CHRNA3: variants seen among roughly 807,000 people sequenced by gnomAD.
The protein encoded by CHRNA3 is neuronal acetylcholine receptor subunit alpha-3.
A neutral mutation model predicts 41.9 loss-of-function variants in CHRNA3; 34 were observed. The ratio of observed to expected loss-of-function variants is 0.81; its 90% CI spans 0.62 to 1.08. The LOEUF (loss-of-function observed/expected upper bound fraction) is 1.08. Ranked by LOEUF, CHRNA3 falls within the 50% of genes least tolerant of loss-of-function variation. The pLI, the probability that CHRNA3 is intolerant of heterozygous loss-of-function variation, is 0.00. For missense variants in CHRNA3, 542 were observed against 638.3 expected, an observed-to-expected ratio of 0.85 and a Z score of 1.63; for synonymous variants, 281 against 265.2, an observed-to-expected ratio of 1.06 and a Z score of -0.58.
intron 4 of CHRNA3, among the ~76,000 whole-genome samples, chr15:78,604,558 C>A (rs532360274): frequency 2.0e-5 from 3 of 152,274 alleles, no homozygotes; most frequent in South Asian, 4.2e-4. Context: ...GTGTGTCCAC[C>A]CAGATCAGAA....
chr15:78,619,351 G>A lies in CHRNA3; in HGVS notation c.83-436C>T, dbSNP rs137954273. On this transcript the variant is annotated intron_variant, in intron 1 of 5. Coordinates refer to ENST00000326828, the MANE Select transcript of CHRNA3 (RefSeq NM_000743.5). Reference sequence around the variant, plus strand: ...TGCGGTAAGAGGTCAAGAACTATTCGCAATCTTTTCCTGGGTTGTTTCTGC... The same window carrying A: ...TGCGGTAAGAGGTCAAGAACTATTCACAATCTTTTCCTGGGTTGTTTCTGC... 1.0e-3 allele frequency: 176 copies of A among 167,832 alleles called. 1 individual carries two copies. The highest frequency in any genetic ancestry group is 3.1e-3 in the Middle Eastern group (1 of 324). The allele number at this position is 167,832 out of a possible 1,614,324, so 10.4% of individuals were successfully genotyped here. A position where few individuals can be genotyped will look rare whatever the true frequency, so the allele number is the denominator to read the frequency against.
intron 4 of CHRNA3, among the ~76,000 whole-genome samples, chr15:78,604,725 A>C (rs1221767808): frequency 1.3e-5 from 2 of 152,194 alleles, no homozygotes; most frequent in East Asian, 3.9e-4. Flanking sequence ...CCAAAAAATA[A>C]ATGAAAGCTG....
At chr15:78,616,697 C>T (rs2053467685) in intron 4 of CHRNA3, among the ~76,000 whole-genome samples, 1 of 151,996 alleles carries the variant, frequency 6.6e-6, no homozygotes, top group Non-Finnish European at 1.5e-5. Context: ...CCCGGGCCCT[C>T]CTCTGCTCCA....
intron 4 of CHRNA3, among the ~76,000 whole-genome samples, chr15:78,612,089 A>G (rs1791060975): frequency 6.6e-6 from 1 of 152,112 alleles, no homozygotes; most frequent in Non-Finnish European, 1.5e-5. Context: ...ATGGAAGAAC[A>G]TTCCATGCTC....
At position 78,598,509 on chromosome 15, in the gene CHRNA3, C is replaced by T. The variant is rs552368300; in HGVS notation, c.1390-1777G>A. 3.9e-5 allele frequency among the ~76,000 whole-genome samples: 6 copies of T among 152,092 alleles called. No individual in the cohort carries two copies. The South Asian group carries it at 1.2e-3, about 32-fold the overall frequency. Reference sequence around the variant, plus strand: ...TCCCGGGCTCAAGTAATCTTCCCCACTCAGCTTCCTGAGTAGCTGGAACTA... The same window carrying T: ...TCCCGGGCTCAAGTAATCTTCCCCATTCAGCTTCCTGAGTAGCTGGAACTA... On this transcript the variant is annotated intron_variant, in intron 5 of 5. Coordinates refer to ENST00000326828, the MANE Select transcript of CHRNA3 (RefSeq NM_000743.5).
chr15:78,600,126 G>A (rs546161810), intron 5 of CHRNA3: 4 of 152,194 alleles, frequency 2.6e-5, no homozygotes, highest in African/African-American at 9.6e-5. Flanking sequence ...CTGTTACCCA[G>A]GCTGGAGTGC....
chr15:78,611,782 C>A (rs530559519), intron 4 of CHRNA3, among the ~76,000 whole-genome samples: 1 of 151,870 alleles, frequency 6.6e-6, no homozygotes, highest in African/African-American at 2.4e-5. Context: ...GTCAAATTGT[C>A]CCTGTTTGCA....
At chr15:78,606,540 G>A (rs542209800) in intron 4 of CHRNA3, among the ~76,000 whole-genome samples, 2 of 151,982 alleles carry the variant, frequency 1.3e-5, no homozygotes, top group East Asian at 1.9e-4. Flanking sequence ...ATGAAAGAAT[G>A]TATAAAGAAC....
At chr15:78,617,312 G>A (rs868508123) in intron 3 of CHRNA3, among the ~76,000 whole-genome samples, 179 bp from the exon 4 acceptor site, 3 of 152,042 alleles carry the variant, frequency 2.0e-5, no homozygotes, top group Non-Finnish European at 4.4e-5. Context: ...GAGAGCACAC[G>A]GCTGGCTCTG....
intron 5 of CHRNA3, among the ~76,000 whole-genome samples, chr15:78,599,273 G>T (rs1284746765): frequency 6.6e-6 from 1 of 152,110 alleles, no homozygotes; most frequent in Non-Finnish European, 1.5e-5. Flanking sequence ...CACTGTGCCT[G>T]GCTTATATCT....
At position 78,601,940 on chromosome 15, in the gene CHRNA3, C is replaced by T. The variant is rs79106783; in HGVS notation, c.702G>A (p.Ser234=). 7.5e-6 allele frequency: 12 copies of T among 1,607,774 alleles called. No homozygotes were observed. Among genetic ancestry groups the T allele is most frequent in the African/African-American group, 5.5e-5 (4 of 73,282 alleles). ...ACAAGGGCAGGCGCCGGATGTACAG[C>T]GAGTATGTGATGTCGGGGTAGATCT... The part of the protein sequence containing the change: ...CEEIYPDITY[S]LYIRRLPLFY... The change falls in exon 5 of 6, where the codon TCG becomes TCA. Residue 234 remains serine, a synonymous_variant. Transcript: ENST00000326828.
intron 1 of CHRNA3, 96 bp from the exon 2 acceptor site, chr15:78,619,011 C>A: frequency 7.3e-7 from 1 of 1,366,828 alleles, no homozygotes. Flanking sequence ...GCATCCCCTC[C>A]ACCTGTGGGG....
chr15:78,612,493 G>T (rs1193014044), intron 4 of CHRNA3, among the ~76,000 whole-genome samples: 2 of 107,464 alleles, frequency 1.9e-5, no homozygotes, highest in African/African-American at 8.5e-5. Context: ...AATAAATGGT[G>T]CTGGGAAAAC....
At chr15:78,618,053 C>A (rs2053491575) in intron 3 of CHRNA3, among the ~76,000 whole-genome samples, 1 of 152,128 alleles carries the variant, frequency 6.6e-6, no homozygotes, top group Non-Finnish European at 1.5e-5. Context: ...TCGAGACCAG[C>A]CTGGGCAACA....
Position 78,595,637 on chromosome 15 carries a change from C to T in CHRNA3, c.*967G>A. ...CATTCTGTACCAACACATATTTATC[C>T]AGCCCAAAATGTCCATAGTGCTAAG... On this transcript the variant is annotated 3_prime_UTR_variant, in exon 6 of 6. Transcript: ENST00000326828. The T allele has an allele frequency of 6.5e-6, 1 of 153,926 alleles. No homozygotes were observed. Among genetic ancestry groups the T allele is most frequent in the Non-Finnish European group, 1.4e-5 (1 of 69,574 alleles). The allele number at this position is 153,926 out of a possible 1,614,324, so 9.5% of individuals were successfully genotyped here.
chr15:78,613,956 G>A (rs944210792), intron 4 of CHRNA3, among the ~76,000 whole-genome samples: 1 of 151,232 alleles, frequency 6.6e-6, no homozygotes, highest in Non-Finnish European at 1.5e-5. Flanking sequence ...GGGGTGGGGG[G>A]AAAAAAAAGA....
At position 78,598,888 on chromosome 15, in the gene CHRNA3, C is replaced by T. The variant is rs148275834; in HGVS notation, c.1390-2156G>A. Among the ~76,000 whole-genome samples, 369 of 146,058 alleles carry T rather than the reference C, an allele frequency of 2.5e-3. 4 individuals are homozygous for T. The highest frequency in any genetic ancestry group is 8.8e-3 in the African/African-American group (344 of 39,136). On this transcript the variant is annotated intron_variant, in intron 5 of 5. Coordinates refer to ENST00000326828, the MANE Select transcript of CHRNA3 (RefSeq NM_000743.5). ...TCACTCTGTCACCTAGGCTGGAGTC[C>T]AGTGGTGTGATCTTGGCTCACTGCA...
intron 3 of CHRNA3, 81 bp from the exon 4 acceptor site, chr15:78,617,214 G>C: frequency 1.2e-6 from 1 of 846,718 alleles, no homozygotes; most frequent in South Asian, 1.5e-5. Flanking sequence ...CACCCATCTT[G>C]GTGACTCCCC....
chr15:78,612,345 C>T (rs1398406964), intron 4 of CHRNA3, among the ~76,000 whole-genome samples: 1 of 146,420 alleles, frequency 6.8e-6, no homozygotes, highest in Non-Finnish European at 1.5e-5. Flanking sequence ...ACCAAAACAG[C>T]ATGGTACTGG....
Sources: gnomAD v4.1 joint callset for allele counts (sites outside exome capture counted in the v4.1 genomes callset) on GRCh38, gnomAD v4.1.1 for gene constraint, MANE v1.5 for transcripts, NCBI Gene and HGNC (gene_info 2026-07-23, HGNC 2026-07-21) for gene names.